The following DPP6 variants were observed in gnomAD, a reference collection of about 807,000 sequenced individuals.
The protein encoded by DPP6 is dipeptidyl peptidase like 6, also known as A-type potassium channel modulatory protein DPP6.
A neutral mutation model predicts 122.6 loss-of-function variants in DPP6; 69 were observed. That is an observed-to-expected ratio of 0.56 (90% CI 0.46 to 0.69). The LOEUF (loss-of-function observed/expected upper bound fraction) is 0.69, where lower values mean the gene tolerates loss of function less well. Ranked by LOEUF, DPP6 falls within the 30% of genes least tolerant of loss-of-function variation. DPP6 has a pLI of 0.00. For synonymous variants in DPP6, 418 were observed against 433.1 expected (o/e 0.97, Z 0.43); for missense variants, 928 against 1,116.9 (o/e 0.83, Z 2.41).
intron 1 of DPP6, among the ~76,000 whole-genome samples, chr7:154,336,902 G>C (rs891825336): frequency 1.3e-5 from 2 of 152,178 alleles, no homozygotes; most frequent in African/African-American, 4.8e-5. Context: ...ACGAAGAAGG[G>C]GTCTTTGTAG....
intron 16 of DPP6, among the ~76,000 whole-genome samples, chr7:154,808,621 G>C (rs1400632419): frequency 6.6e-6 from 1 of 152,122 alleles, no homozygotes; most frequent in African/African-American, 2.4e-5. Flanking sequence ...GACACAGAGA[G>C]GGCCAGCATC....
intron 1 of DPP6, among the ~76,000 whole-genome samples, chr7:154,047,264 C>T (rs2861454): frequency 0.38 from 52,383 of 139,524 alleles, 13,358 homozygotes; most frequent in Middle Eastern, 0.42. Context: ...CTGAATGCAA[C>T]CATCACCTCT....
rs1586857463 is a variant in DPP6, at chr7:154,671,385, C to T, written c.762+1944C>T. Among the ~76,000 whole-genome samples, 3 of 152,280 alleles carry T rather than the reference C, an allele frequency of 2.0e-5. No individual in the cohort carries two copies. In the South Asian group the frequency reaches 6.2e-4, roughly 32 times the overall value. On this transcript the variant is annotated intron_variant, in intron 7 of 25. Coordinates refer to ENST00000377770, the MANE Select transcript of DPP6 (RefSeq NM_130797.4). The stretch of plus-strand genomic sequence containing the variant: ...GTAACCTTACTGAGTGATCATTGTC[C>T]AGCCTTTTTATAGTAGTCAGGAGAA...
At chr7:154,051,704 G>A (rs1295245790), upstream of DPP6, among the ~76,000 whole-genome samples, 1 of 151,220 alleles carries the variant, frequency 6.6e-6, no homozygotes, top group Non-Finnish European at 1.5e-5. Context: ...TGGAGTCGCG[G>A]TCACAGCCGG....
intron 1 of DPP6, among the ~76,000 whole-genome samples, chr7:153,958,668 G>C (rs758035991): frequency 9.0e-4 from 137 of 152,294 alleles, no homozygotes; most frequent in Non-Finnish European, 1.5e-3. Flanking sequence ...CCTTGGTACA[G>C]CCCTCTTTAT....
At position 154,669,398 on chromosome 7, in the gene DPP6, C is replaced by A. The variant is rs1271248843; in HGVS notation, c.719C>A (p.Ala240Glu). 2 of 1,557,084 alleles carry A rather than the reference C, an allele frequency of 1.3e-6. No individual in the cohort carries two copies. The highest frequency in any genetic ancestry group is 2.4e-5 in the East Asian group (1 of 41,632). ...CTGGACCCACCAGAAGTCAGCAATG[C>A]AAAACTTCAGTATGCAGGATGGGGC... ...QSLDPPEVSN[A>E]KLQYAGWGPK... The change falls in exon 7 of 26, where the codon GCA (alanine) becomes GAA (glutamate). Residue 240 changes from alanine to glutamate, a missense_variant. By Grantham distance (107) the Ala-to-Glu change is moderately radical. Coordinates refer to ENST00000377770, the MANE Select transcript of DPP6 (RefSeq NM_130797.4).
At chr7:154,765,905 A>C (rs1335007408) in intron 8 of DPP6, among the ~76,000 whole-genome samples, 1 of 152,234 alleles carries the variant, frequency 6.6e-6, no homozygotes, top group Non-Finnish European at 1.5e-5. Context: ...TCTGCTTCTA[A>C]ACTGCATTTG....
intron 1 of DPP6, among the ~76,000 whole-genome samples, chr7:154,427,767 C>A (rs528344367): frequency 7.9e-5 from 12 of 152,288 alleles, no homozygotes; most frequent in Admixed American, 7.8e-4. Context: ...CCTCTGTAAC[C>A]ATTGCAGGGC....
chr7:153,781,613 G>A, the DPP6 span, among the ~76,000 whole-genome samples: 2 of 152,086 alleles, frequency 1.3e-5, no homozygotes, highest in Non-Finnish European at 2.9e-5. Flanking sequence ...AGAGAGGGAA[G>A]GTAGATTGGC....
chr7:154,238,153 T>G (rs1351121236), intron 1 of DPP6, among the ~76,000 whole-genome samples: 1 of 152,226 alleles, frequency 6.6e-6, no homozygotes, highest in Non-Finnish European at 1.5e-5. Context: ...AGCTCCGAAT[T>G]GCAATATTGA....
chr7:153,863,474 T>C, the DPP6 span, among the ~76,000 whole-genome samples: 1 of 152,152 alleles, frequency 6.6e-6, no homozygotes, highest in Non-Finnish European at 1.5e-5. Context: ...GTCTTTTTTT[T>C]TAACAGCTTT....
chr7:154,661,697 T>A (rs568274238), intron 6 of DPP6, among the ~76,000 whole-genome samples: 342 of 144,138 alleles, frequency 2.4e-3, no homozygotes, highest in African/African-American at 8.2e-3. Flanking sequence ...CATATAGTCA[T>A]GGTGAATCAC....
intron 1 of DPP6, among the ~76,000 whole-genome samples, chr7:153,890,850 C>G (rs371565022): frequency 2.5e-4 from 20 of 78,748 alleles, no homozygotes; most frequent in African/African-American, 1.2e-3. Flanking sequence ...CACCACCATG[C>G]CTGGCTTTTT....
At chr7:153,850,519 G>A in the DPP6 span, among the ~76,000 whole-genome samples, 3 of 152,118 alleles carry the variant, frequency 2.0e-5, no homozygotes, top group Non-Finnish European at 4.4e-5. Flanking sequence ...GGAAACCATA[G>A]GTCCTATTCA....
chr7:154,098,068 C>T (rs1229104127), intron 1 of DPP6, among the ~76,000 whole-genome samples: 1 of 152,222 alleles, frequency 6.6e-6, no homozygotes, highest in Non-Finnish European at 1.5e-5. Context: ...TGTGTCCCCA[C>T]CCAAATCTCA....
chr7:154,540,404 G>A, intron 3 of DPP6, 128 bp from the exon 4 acceptor site: 1 of 657,074 alleles, frequency 1.5e-6, no homozygotes. Flanking sequence ...TATTGAAAGG[G>A]CCGTTTGATG....
At chr7:154,061,662 C>T (rs1306271142) in intron 1 of DPP6, among the ~76,000 whole-genome samples, 1 of 142,766 alleles carries the variant, frequency 7.0e-6, no homozygotes, top group Admixed American at 6.8e-5. Flanking sequence ...AGAGCCAACC[C>T]CTCTTCCCCC....
At chr7:154,210,102 G>A (rs1356485208) in intron 1 of DPP6, among the ~76,000 whole-genome samples, 2 of 152,214 alleles carry the variant, frequency 1.3e-5, no homozygotes, top group East Asian at 1.9e-4. Context: ...GTCATTTGTT[G>A]GAAGAAAGGG....
intron 16 of DPP6, among the ~76,000 whole-genome samples, chr7:154,853,530 T>G (rs1236204265): frequency 6.6e-6 from 1 of 152,236 alleles, no homozygotes; most frequent in Admixed American, 6.5e-5. Context: ...GGCATTACAA[T>G]AATCTGAAAA....
Sources: gnomAD v4.1 joint callset for allele counts (sites outside exome capture counted in the v4.1 genomes callset) on GRCh38, gnomAD v4.1.1 for gene constraint, MANE v1.5 for transcripts, NCBI Gene and HGNC (gene_info 2026-07-23, HGNC 2026-07-21) for gene names.